GLIS3: variants seen among roughly 807,000 people sequenced by gnomAD.
GLIS3 encodes the protein zinc finger protein GLIS3.
In GLIS3, 53 loss-of-function variants were observed where a neutral mutation model predicts 78.6. The ratio of observed to expected loss-of-function variants is 0.67; its 90% CI spans 0.54 to 0.85. The LOEUF (loss-of-function observed/expected upper bound fraction) is 0.85. Ranked by LOEUF, GLIS3 falls within the 40% of genes least tolerant of loss-of-function variation. The probability of loss-of-function intolerance (pLI) is 0.00; values close to 1 mark genes in which losing one functional copy is unlikely to be tolerated. For synonymous variants in GLIS3, 684 were observed against 509.9 expected (o/e 1.34, Z -4.60); for missense variants, 1,703 against 1,231.1 (o/e 1.38, Z -5.74).
chr9:4,082,764 C>A (rs1227236334), intron 4 of GLIS3, among the ~76,000 whole-genome samples: 1 of 152,206 alleles, frequency 6.6e-6, no homozygotes, highest in Non-Finnish European at 1.5e-5. Flanking sequence ...CCACTCTTTA[C>A]TTGCATATTC....
intron 4 of GLIS3, among the ~76,000 whole-genome samples, chr9:4,097,200 G>A (rs1588664923): frequency 6.6e-6 from 1 of 152,058 alleles, no homozygotes; most frequent in Non-Finnish European, 1.5e-5. Context: ...TCTTCCATCT[G>A]CCTGCCACCA....
At chr9:3,866,295 C>A (rs770937562) in intron 8 of GLIS3, among the ~76,000 whole-genome samples, 2 of 151,896 alleles carry the variant, frequency 1.3e-5, no homozygotes, top group African/African-American at 4.8e-5. Flanking sequence ...TTTCAGGGAG[C>A]GAGAAGTCAA....
intron 5 of GLIS3, among the ~76,000 whole-genome samples, chr9:3,935,786 C>T (rs1205742266): frequency 6.6e-6 from 1 of 151,860 alleles, no homozygotes; most frequent in East Asian, 1.9e-4. Flanking sequence ...ATTTAGTGTT[C>T]CATTTTATTG....
chr9:3,927,479 A>G (rs968936162), intron 6 of GLIS3, among the ~76,000 whole-genome samples: 4 of 152,230 alleles, frequency 2.6e-5, no homozygotes, highest in African/African-American at 9.6e-5. Flanking sequence ...ACTTTTTAAA[A>G]GAAATATCTA....
intron 2 of GLIS3, among the ~76,000 whole-genome samples, chr9:4,165,463 A>G (rs1462869490): frequency 3.3e-5 from 5 of 152,142 alleles, no homozygotes; most frequent in African/African-American, 1.2e-4. Context: ...AAAACAAAAA[A>G]CCTACATTCT....
chr9:4,279,051 C>A (rs1427283162), intron 2 of GLIS3, among the ~76,000 whole-genome samples: 1 of 152,028 alleles, frequency 6.6e-6, no homozygotes. Context: ...CCTGTAATCC[C>A]AGCACTTTGG....
intron 2 of GLIS3, among the ~76,000 whole-genome samples, chr9:4,274,433 G>A (rs1587260371): frequency 6.6e-6 from 1 of 151,988 alleles, no homozygotes; most frequent in East Asian, 1.9e-4. Context: ...ACCCTCAAAG[G>A]TGCCCAGAGC....
intron 4 of GLIS3, among the ~76,000 whole-genome samples, chr9:4,052,962 T>G (rs981897374): frequency 1.3e-5 from 2 of 152,202 alleles, no homozygotes; most frequent in Non-Finnish European, 2.9e-5. Context: ...TAATTTTTAT[T>G]TTTTTGAAAG....
the GLIS3 span, among the ~76,000 whole-genome samples, chr9:4,384,782 T>A: frequency 6.6e-6 from 1 of 152,012 alleles, no homozygotes; most frequent in Admixed American, 6.6e-5. Context: ...CTTCCTACGC[T>A]CCCATGTCTC....
intron 4 of GLIS3, among the ~76,000 whole-genome samples, chr9:4,080,039 G>C (rs1231927936): frequency 6.6e-6 from 1 of 152,202 alleles, no homozygotes. Context: ...GATCCATTTG[G>C]AAAATGCTAT....
In GLIS3 at chr9:4,107,709, G is replaced by A. The variant is rs1259573157; in HGVS notation, c.1710+10059C>T. Among the ~76,000 whole-genome samples the A allele has an allele frequency of 4.0e-5, 6 of 149,852 alleles. No individual in the cohort carries two copies. In the East Asian group the frequency reaches 9.8e-4, roughly 25 times the overall value. On this transcript the variant is annotated intron_variant, in intron 4 of 10. Coordinates refer to ENST00000381971, the MANE Select transcript of GLIS3 (RefSeq NM_001042413.2). ...GATCTCAGAGACAATCCAGAGCAAT[G>A]GAAAAATTAATTTGTTTTCAGATCA...
At chr9:4,296,310 A>G (rs1816501390) in intron 1 of GLIS3, among the ~76,000 whole-genome samples, 1 of 148,192 alleles carries the variant, frequency 6.7e-6, no homozygotes, top group African/African-American at 2.5e-5. Flanking sequence ...AAAAAAAAAA[A>G]GACCGAGAAC....
chr9:3,996,446 T>C (rs1001926668), intron 4 of GLIS3, among the ~76,000 whole-genome samples: 9 of 152,136 alleles, frequency 5.9e-5, no homozygotes, highest in African/African-American at 1.9e-4. Context: ...GTGGTGTGAA[T>C]TGAGTTAAAG....
chr9:4,362,520 T>G, the GLIS3 span, among the ~76,000 whole-genome samples: 1 of 152,210 alleles, frequency 6.6e-6, no homozygotes, highest in Non-Finnish European at 1.5e-5. Flanking sequence ...TAGCAACGGC[T>G]TATTTTTCAA....
intron 4 of GLIS3, among the ~76,000 whole-genome samples, chr9:3,993,955 C>CA (rs1820533275): frequency 6.6e-6 from 1 of 152,108 alleles, no homozygotes; most frequent in Non-Finnish European, 1.5e-5. Flanking sequence ...CCAGGCTTCC[C>CA]AGGAGCAGTC....
chr9:4,228,036 G>A (rs1321519966), intron 2 of GLIS3, among the ~76,000 whole-genome samples: 1 of 152,050 alleles, frequency 6.6e-6, no homozygotes, highest in Non-Finnish European at 1.5e-5. Context: ...CCTCAAACCA[G>A]GAGAATTTCT....
At chr9:4,121,516 T>C (rs752485122) in intron 3 of GLIS3, among the ~76,000 whole-genome samples, 1 of 152,136 alleles carries the variant, frequency 6.6e-6, no homozygotes, top group Non-Finnish European at 1.5e-5. Flanking sequence ...ATTTTCCCTA[T>C]ATATGATCTC....
At chr9:4,473,018 C>G in the GLIS3 span, among the ~76,000 whole-genome samples, 1 of 152,064 alleles carries the variant, frequency 6.6e-6, no homozygotes, top group Non-Finnish European at 1.5e-5. Flanking sequence ...GTTTTTAGAT[C>G]TTTCAGGAAT....
At chr9:4,390,471 T>C in the GLIS3 span, among the ~76,000 whole-genome samples, 15 of 152,176 alleles carry the variant, frequency 9.9e-5, no homozygotes, top group African/African-American at 3.6e-4. Context: ...GCTCAAGTGA[T>C]ACTCTTGCCT....
Sources: gnomAD v4.1 joint callset for allele counts (sites outside exome capture counted in the v4.1 genomes callset) on GRCh38, gnomAD v4.1.1 for gene constraint, MANE v1.5 for transcripts, NCBI Gene and HGNC (gene_info 2026-07-23, HGNC 2026-07-21) for gene names.